AMZ1: variants seen among roughly 807,000 people sequenced by gnomAD.
The protein encoded by AMZ1 is archaemetzincin-1.
AMZ1 carries 39 observed loss-of-function variants against 29.9 expected under a neutral mutation model. The ratio of observed to expected loss-of-function variants is 1.30; its 90% CI spans 1.01 to 1.70. AMZ1 has a LOEUF of 1.70. Among genes scored for constraint, AMZ1 ranks in the 40% most tolerant of loss-of-function variants. AMZ1 has a pLI of 0.00. For synonymous variants in AMZ1, 458 were observed against 304.0 expected, an observed-to-expected ratio of 1.51 and a Z score of -5.27; for missense variants, 1,041 against 680.6, an observed-to-expected ratio of 1.53 and a Z score of -5.89.
intron 4 of AMZ1, among the ~76,000 whole-genome samples, chr7:2,725,338 G>A (rs899358901): frequency 6.6e-6 from 1 of 152,260 alleles, no homozygotes; most frequent in African/African-American, 2.4e-5. Context: ...GCACCAGACG[G>A]ACACAGCTGC....
At chr7:2,710,838 C>A (rs781753711) in intron 6 of AMZ1, among the ~76,000 whole-genome samples, 2 of 152,208 alleles carry the variant, frequency 1.3e-5, no homozygotes, top group African/African-American at 2.4e-5. Context: ...GGCGTGATGG[C>A]TGGTCAGCAC....
chr7:2,684,905 T>TGTCGCCCAG, upstream of AMZ1, among the ~76,000 whole-genome samples: 1 of 150,460 alleles, frequency 6.6e-6, no homozygotes, highest in East Asian at 2.0e-4. Context: ...ACGGAGTCTC[T>TGTCGCCCAG]GTCGCCCAGG....
In AMZ1 at chr7:2,709,230, G is replaced by A; in HGVS notation, c.757G>A (p.Val253Ile). 6.7e-7 allele frequency: 1 copy of A among 1,503,366 alleles called. No homozygotes were observed. Among genetic ancestry groups the A allele is most frequent in the Non-Finnish European group, 8.9e-7 (1 of 1,128,600 alleles). The allele number at this position is 1,503,366 out of a possible 1,614,324, so 93.1% of individuals were successfully genotyped here. ...WALCFSALGM[V>I]QCCKVTCHEL... Reference sequence around the variant, plus strand: ...CCTGTGCTTCAGTGCCCTGGGGATGGTTCAGTGCTGCAAGGTGGGTGGGGG... The same window carrying A: ...CCTGTGCTTCAGTGCCCTGGGGATGATTCAGTGCTGCAAGGTGGGTGGGGG... Residue 253 changes from valine (V) to isoleucine (I), a missense_variant, in exon 5 of 7, where the codon GTT becomes ATT. Transcript: ENST00000683327.
At chr7:2,762,684 C>A (rs564992122), upstream of AMZ1, 5 of 1,584,704 alleles carry the variant, frequency 3.2e-6, no homozygotes. Flanking sequence ...TGGAAAGAAA[C>A]CACGCTGCCC....
At chr7:2,761,316 C>CT (rs1791543131), upstream of AMZ1, among the ~76,000 whole-genome samples, 2 of 152,236 alleles carry the variant, frequency 1.3e-5, no homozygotes, top group Non-Finnish European at 2.9e-5. Flanking sequence ...GCTCACAGAG[C>CT]CGTCTGCTGG....
rs4719647 is a variant in AMZ1 at position 2,717,087 on chromosome 7, G to A, written c.*4209G>A. Among the ~76,000 whole-genome samples the A allele has an allele frequency of 0.61, 92,396 of 152,054 alleles. 28,949 individuals are homozygous for A. Among genetic ancestry groups the A allele is most frequent in the African/African-American group, 0.73 (30,229 of 41,494 alleles). On this transcript the variant is annotated 3_prime_UTR_variant, in exon 7 of 7. Transcript: ENST00000683327. ...CCACACACCGGCACCCACGCCCCTCGGTTCTGATAACCAGGAGGCTTTCTG... is the reference window on the plus strand; with the variant it reads ...CCACACACCGGCACCCACGCCCCTCAGTTCTGATAACCAGGAGGCTTTCTG...
At chr7:2,755,719 T>C (rs1791261623) in intron 4 of AMZ1, among the ~76,000 whole-genome samples, 1 of 152,230 alleles carries the variant, frequency 6.6e-6, no homozygotes, top group Admixed American at 6.5e-5. Flanking sequence ...ATGTCTACCC[T>C]GCATTTCCTT....
At chr7:2,753,796 A>C (rs1273186238) in intron 4 of AMZ1, among the ~76,000 whole-genome samples, 3 of 151,792 alleles carry the variant, frequency 2.0e-5, no homozygotes, top group Admixed American at 6.6e-5. Context: ...CTGTGCCATA[A>C]GTTTTTGTTT....
rs115999735 is a variant in AMZ1, at chr7:2,701,844, C to T, written c.305-878C>T. 5.3e-3 allele frequency among the ~76,000 whole-genome samples: 807 copies of T among 152,336 alleles called. 6 individuals carry two copies. Among genetic ancestry groups the T allele is most frequent in the African/African-American group, 0.019 (779 of 41,592 alleles). On this transcript the variant is annotated intron_variant, in intron 2 of 6. Transcript: ENST00000683327. ...TCAGGACCCAAATCCTGCGGGTGTCCGTTGGTCTCAGCATCCACCACCCCA... is the reference window on the plus strand; with the variant it reads ...TCAGGACCCAAATCCTGCGGGTGTCTGTTGGTCTCAGCATCCACCACCCCA...
At chr7:2,732,888 C>G (rs1054535194) in intron 4 of AMZ1, among the ~76,000 whole-genome samples, 12 of 152,202 alleles carry the variant, frequency 7.9e-5, no homozygotes, top group Admixed American at 7.9e-4. Context: ...GTTGTTGATT[C>G]AAACTCTGCT....
chr7:2,749,829 A>C (rs1447641221), intron 4 of AMZ1, among the ~76,000 whole-genome samples: 1 of 152,134 alleles, frequency 6.6e-6, no homozygotes, highest in African/African-American at 2.4e-5. Flanking sequence ...TGACCACTGA[A>C]ATTAGATTAA....
intron 1 of AMZ1, among the ~76,000 whole-genome samples, chr7:2,691,734 A>AAAAAAAAAAG (rs1188133570): frequency 6.6e-6 from 1 of 151,244 alleles, no homozygotes; most frequent in East Asian, 1.9e-4. Context: ...CCGTCTCAAA[A>AAAAAAAAAAG]AAAAAAAAAA....
intron 1 of AMZ1, among the ~76,000 whole-genome samples, chr7:2,692,316 G>A (rs891300071): frequency 7.2e-5 from 11 of 152,088 alleles, no homozygotes; most frequent in African/African-American, 1.2e-4. Context: ...CGAGGCGGGC[G>A]GATCATGAGG....
upstream of AMZ1, among the ~76,000 whole-genome samples, chr7:2,686,930 G>T (rs1179366032): frequency 4.6e-5 from 7 of 151,710 alleles, no homozygotes; most frequent in East Asian, 1.4e-3. Context: ...GGCCAGGCCG[G>T]TCTTGAACTC....
intron 4 of AMZ1, among the ~76,000 whole-genome samples, chr7:2,735,098 C>T (rs573065408): frequency 7.8e-6 from 1 of 127,552 alleles, no homozygotes; most frequent in South Asian, 2.4e-4. Flanking sequence ...CTGGGAGAAG[C>T]CGTTGGGTGC....
chr7:2,720,430 C>A (rs1269739554), downstream of AMZ1, among the ~76,000 whole-genome samples: 2 of 152,060 alleles, frequency 1.3e-5, no homozygotes, highest in Non-Finnish European at 2.9e-5. Context: ...TTTATTGAGA[C>A]AGAGTCTGTG....
At chr7:2,710,784 C>T (rs148303973) in intron 6 of AMZ1, among the ~76,000 whole-genome samples, 25 of 152,282 alleles carry the variant, frequency 1.6e-4, no homozygotes, top group Non-Finnish European at 2.2e-4. Flanking sequence ...GGAACCCAGG[C>T]GCAGCCATGG....
rs570369578 is a variant in AMZ1 at position 2,697,570 on chromosome 7, C to T, written c.-218-2664C>T. ...TCCTGAGTTGCTGGGACTACAGGTG[C>T]GCGTCACCATGCCCGGCTAATTTTT... On this transcript the variant is annotated intron_variant, in intron 1 of 6. Transcript: ENST00000683327. 1.1e-3 allele frequency among the ~76,000 whole-genome samples: 173 copies of T among 151,866 alleles called. 1 individual carries two copies. The highest frequency in any genetic ancestry group is 3.7e-3 in the African/African-American group (153 of 41,396).
upstream of AMZ1, among the ~76,000 whole-genome samples, chr7:2,760,968 G>C (rs1471051195): frequency 2.0e-5 from 3 of 152,218 alleles, no homozygotes; most frequent in African/African-American, 7.2e-5. Flanking sequence ...CCACAGTCTT[G>C]ACGAAGTTGC....
Sources: allele counts gnomAD v4.1 joint callset (sites outside exome capture counted in the v4.1 genomes callset), GRCh38; gene constraint gnomAD v4.1.1; transcripts MANE v1.5; gene names NCBI Gene and HGNC (gene_info 2026-07-23, HGNC 2026-07-21).